The following KCNT2 variants were observed in gnomAD, a reference collection of about 807,000 sequenced individuals.
KCNT2 encodes potassium channel subfamily T member 2.
A neutral mutation model predicts 153.8 loss-of-function variants in KCNT2; 67 were observed. That is an observed-to-expected ratio of 0.44 (90% CI 0.36 to 0.53). The LOEUF is 0.53. KCNT2 is among the 20% of genes least tolerant of loss of function. KCNT2 has a pLI of 0.00. For synonymous variants in KCNT2, 500 were observed against 458.8 expected, an observed-to-expected ratio of 1.09 and a Z score of -1.15; for missense variants, 975 against 1,354.8, an observed-to-expected ratio of 0.72 and a Z score of 4.40.
intron 8 of KCNT2, among the ~76,000 whole-genome samples, chr1:196,446,384 C>T (rs1455831468): frequency 1.3e-5 from 2 of 151,278 alleles, no homozygotes; most frequent in African/African-American, 2.4e-5. Flanking sequence ...ATAACAAACC[C>T]ATGATGACAC....
At chr1:196,245,402 T>C (rs1655348181) in intron 26 of KCNT2, among the ~76,000 whole-genome samples, 1 of 152,016 alleles carries the variant, frequency 6.6e-6, no homozygotes, top group Non-Finnish European at 1.5e-5. Flanking sequence ...GAAAGATGGG[T>C]ACACACAAGC....
intron 1 of KCNT2, among the ~76,000 whole-genome samples, chr1:196,501,127 A>G (rs981220832): frequency 6.6e-6 from 1 of 152,228 alleles, no homozygotes; most frequent in Non-Finnish European, 1.5e-5. Flanking sequence ...TACAATCTCT[A>G]TGGTAAACAG....
At chr1:196,378,130 A>G (rs778155098) in intron 13 of KCNT2, among the ~76,000 whole-genome samples, 6 of 152,190 alleles carry the variant, frequency 3.9e-5, no homozygotes, top group African/African-American at 7.2e-5. Context: ...ATTACTCCGT[A>G]AAGAGAAGAA....
At chr1:196,589,040 C>A (rs929612367) in intron 1 of KCNT2, among the ~76,000 whole-genome samples, 2 of 151,716 alleles carry the variant, frequency 1.3e-5, no homozygotes, top group Non-Finnish European at 2.9e-5. Context: ...TCTAACAACA[C>A]CTAATTAAAT....
At chr1:196,593,093 G>A (rs772224267) in intron 1 of KCNT2, among the ~76,000 whole-genome samples, 17 of 149,934 alleles carry the variant, frequency 1.1e-4, no homozygotes, top group Non-Finnish European at 1.5e-4. Flanking sequence ...CTTTCCTGCC[G>A]AGTCCCCAAA....
At chr1:196,258,172 C>T in intron 26 of KCNT2, 22 bp downstream of exon 26, 2 of 1,610,136 alleles carry the variant, frequency 1.2e-6, no homozygotes, top group Non-Finnish European at 1.7e-6. Flanking sequence ...TCCATATATA[C>T]AGTAGTTTTT....
At chr1:196,356,480 C>T (rs998538738) in intron 14 of KCNT2, among the ~76,000 whole-genome samples, 3 of 151,608 alleles carry the variant, frequency 2.0e-5, no homozygotes, top group East Asian at 1.9e-4. Flanking sequence ...TAATTAAATG[C>T]TATTTTCTCA....
intron 20 of KCNT2, among the ~76,000 whole-genome samples, chr1:196,318,956 T>C (rs1009993326): frequency 6.6e-6 from 1 of 151,766 alleles, no homozygotes; most frequent in Non-Finnish European, 1.5e-5. Context: ...CCATAATACA[T>C]GTATAAGAAT....
At chr1:196,447,575 G>A (rs899270414) in intron 8 of KCNT2, among the ~76,000 whole-genome samples, 13 of 151,558 alleles carry the variant, frequency 8.6e-5, no homozygotes, top group Admixed American at 2.6e-4. Flanking sequence ...AGAGATAATG[G>A]AGCATAAAAG....
At chr1:196,244,457 AG>A (rs1655243864) in intron 26 of KCNT2, among the ~76,000 whole-genome samples, 1 of 152,074 alleles carries the variant, frequency 6.6e-6, no homozygotes, top group Admixed American at 6.6e-5. Context: ...CCTGGGCCAA[AG>A]GGGTGCCTAC....
chr1:196,358,222 T>G (rs982212677), intron 14 of KCNT2, among the ~76,000 whole-genome samples: 2 of 151,808 alleles, frequency 1.3e-5, no homozygotes, highest in Admixed American at 6.6e-5. Context: ...TCTATGAGAT[T>G]ATCTTCCAAA....
chr1:196,354,418 A>G (rs1347171003), intron 14 of KCNT2, among the ~76,000 whole-genome samples: 1 of 151,768 alleles, frequency 6.6e-6, no homozygotes, highest in East Asian at 1.9e-4. Flanking sequence ...ATTTATATTT[A>G]TTATCAAACT....
intron 1 of KCNT2, among the ~76,000 whole-genome samples, chr1:196,552,533 GT>G (rs1393095729): frequency 1.3e-5 from 2 of 151,360 alleles, no homozygotes; most frequent in Admixed American, 6.6e-5. Context: ...GAGTTCTTCA[GT>G]CTGAAAGGAA....
chr1:196,241,082 G>T (rs894810023), intron 26 of KCNT2, among the ~76,000 whole-genome samples: 2 of 152,006 alleles, frequency 1.3e-5, no homozygotes, highest in Admixed American at 1.3e-4. Flanking sequence ...AAGAGACTTA[G>T]AGAAGGAGAC....
intron 1 of KCNT2, among the ~76,000 whole-genome samples, chr1:196,558,273 G>A (rs1658935962): frequency 6.6e-6 from 1 of 151,158 alleles, no homozygotes; most frequent in Admixed American, 6.6e-5. Flanking sequence ...AATCATAAAT[G>A]GAAAGTAGAA....
rs901091739 is a variant in KCNT2 at position 196,419,477 on chromosome 1, T to C, written c.1185+3573A>G. Among the ~76,000 whole-genome samples, 11 of 151,698 alleles carry C rather than the reference T, an allele frequency of 7.3e-5. No individual in the cohort carries two copies. The South Asian group carries it at 2.1e-3, about 29-fold the overall frequency. ...CGATAGTTTGCTGAGAATGATGGTT[T>C]CCAGCTGCATCCATGTCCCTACAAA... On this transcript the variant is annotated intron_variant, in intron 12 of 27. Coordinates refer to ENST00000294725, the MANE Select transcript of KCNT2 (RefSeq NM_198503.5).
chr1:196,351,549 G>C (rs1666699946), intron 14 of KCNT2, among the ~76,000 whole-genome samples: 1 of 151,982 alleles, frequency 6.6e-6, no homozygotes, highest in Non-Finnish European at 1.5e-5. Context: ...TTTGTACATT[G>C]ATTTTGTATC....
At chr1:196,357,966 G>A (rs1485906527) in intron 14 of KCNT2, among the ~76,000 whole-genome samples, 1 of 151,578 alleles carries the variant, frequency 6.6e-6, no homozygotes, top group Admixed American at 6.6e-5. Flanking sequence ...TTTATAATTT[G>A]GCAGTGCTAA....
intron 13 of KCNT2, among the ~76,000 whole-genome samples, chr1:196,382,371 T>C (rs1021686434): frequency 6.6e-6 from 1 of 151,934 alleles, no homozygotes; most frequent in African/African-American, 2.4e-5. Context: ...CCTCCCAAAG[T>C]GCTGGGATTA....
Sources: gnomAD v4.1 joint callset for allele counts (sites outside exome capture counted in the v4.1 genomes callset) on GRCh38, gnomAD v4.1.1 for gene constraint, MANE v1.5 for transcripts, NCBI Gene and HGNC (gene_info 2026-07-23, HGNC 2026-07-21) for gene names.